The following MRC1 variants were observed in gnomAD, a reference collection of about 807,000 sequenced individuals.
MRC1 encodes mannose receptor C-type 1, also known as macrophage mannose receptor 1.
A neutral mutation model predicts 102.9 loss-of-function variants in MRC1; 62 were observed. The observed-to-expected ratio is 0.60, with a 90% CI of 0.49 to 0.74. The LOEUF is 0.74. MRC1 is among the 30% of genes least tolerant of loss of function. The pLI is 0.00. For missense variants in MRC1, 1,237 were observed against 862.8 expected (o/e 1.43, Z -5.43); for synonymous variants, 457 against 298.4 (o/e 1.53, Z -5.48).
chr10:17,827,689 A>G lies in MRC1; in HGVS notation c.611A>G (p.Lys204Arg). The change falls in exon 3 of 30, where the codon AAG (lysine) becomes AGG (arginine). Residue 204 changes from lysine (K) to arginine (R), a missense_variant. Coordinates refer to ENST00000569591, the MANE Select transcript of MRC1 (RefSeq NM_002438.4). ...ACCACTACTGACTATGACACAGACAAGCTATTTGGATATTGTCCATTGAAA... is the reference window on the plus strand; with the variant it reads ...ACCACTACTGACTATGACACAGACAGGCTATTTGGATATTGTCCATTGAAA... ...CGTTTDYDTD[K>R]LFGYCPLKFE... The G allele has an allele frequency of 1.3e-6, 1 of 780,852 alleles. No homozygotes were observed. 48.4% of individuals were successfully genotyped at this position (780,852 alleles called of 1,614,324 possible).
rs1833376233 is a variant in MRC1 at position 17,873,029 on chromosome 10, C to T, written c.2345-755C>T. ...GAAGAAGTCAGTGGTGGCCAGTTGT[C>T]CTTTAATGGTCTCTTATCTACCAAT... is the stretch of plus-strand genomic sequence containing the variant. On this transcript the variant is annotated intron_variant, in intron 15 of 29. Transcript: ENST00000569591. Among the ~76,000 whole-genome samples the T allele has an allele frequency of 2.0e-5, 3 of 152,262 alleles. No individual in the cohort carries two copies. The South Asian group carries it at 6.2e-4, about 32-fold the overall frequency.
chr10:17,832,533 C>A (rs1589168575), intron 3 of MRC1, among the ~76,000 whole-genome samples: 1 of 148,162 alleles, frequency 6.7e-6, no homozygotes, highest in Non-Finnish European at 1.5e-5. Context: ...CCAGCCTGGG[C>A]GACAGAGCGA....
intron 8 of MRC1, among the ~76,000 whole-genome samples, chr10:17,855,853 C>G (rs901139009): frequency 8.3e-4 from 126 of 152,146 alleles, no homozygotes; most frequent in Non-Finnish European, 1.5e-3. Context: ...CTCTGAGGCA[C>G]AGTTACAAGA....
intron 3 of MRC1, among the ~76,000 whole-genome samples, chr10:17,828,868 A>G (rs1230791343): frequency 6.6e-6 from 1 of 151,464 alleles, no homozygotes; most frequent in African/African-American, 2.5e-5. Flanking sequence ...AGTGAAGCAC[A>G]TTTTAGGTGG....
At chr10:17,898,782 AG>A (rs1833789548) in intron 24 of MRC1, among the ~76,000 whole-genome samples, 2 of 152,214 alleles carry the variant, frequency 1.3e-5, no homozygotes, top group Non-Finnish European at 2.9e-5. Context: ...GGCAAAGACT[AG>A]GGAAGAGGCA....
chr10:17,875,262 A>T lies in MRC1; in HGVS notation c.2550+9A>T. ...AGTTTCTATGGAAATATGTAAGGAC[A>T]TCAATCATTTTTTAAAATTTTAATA... On this transcript the variant is annotated intron_variant, in intron 17 of 29. Coordinates refer to ENST00000569591, the MANE Select transcript of MRC1 (RefSeq NM_002438.4). The T allele has an allele frequency of 5.1e-6, 4 of 779,018 alleles. 1 individual carries two copies. The South Asian group carries it at 5.4e-5, about 11-fold the overall frequency. The allele number at this position is 779,018 out of a possible 1,614,324, so 48.3% of individuals were successfully genotyped here. A position where few individuals can be genotyped will look rare whatever the true frequency, so the allele number is the denominator to read the frequency against.
At chr10:17,906,589 G>A (rs1833898869) in intron 26 of MRC1, among the ~76,000 whole-genome samples, 1 of 151,786 alleles carries the variant, frequency 6.6e-6, no homozygotes, top group African/African-American at 2.4e-5. Context: ...TTGTACTCTT[G>A]TTACTGGCCA....
chr10:17,885,827 A>ATGATCG (rs1224796806), intron 22 of MRC1, among the ~76,000 whole-genome samples: 3 of 110,252 alleles, frequency 2.7e-5, no homozygotes, highest in Admixed American at 8.4e-5. Flanking sequence ...ATCATCCATC[A>ATGATCG]TGATCATGAT....
chr10:17,824,439 A>G (rs1838443759), intron 2 of MRC1, among the ~76,000 whole-genome samples: 1 of 152,236 alleles, frequency 6.6e-6, no homozygotes, highest in African/African-American at 2.4e-5. Flanking sequence ...AACCTAGCTT[A>G]TCTCAGCTAA....
At chr10:17,876,912 G>A (rs997609327) in intron 17 of MRC1, among the ~76,000 whole-genome samples, 11 of 152,112 alleles carry the variant, frequency 7.2e-5, no homozygotes, top group Middle Eastern at 3.4e-3. Context: ...CAGAGAGGAG[G>A]TAACAGAGAG....
chr10:17,864,233 C>T (rs995274309), intron 11 of MRC1, among the ~76,000 whole-genome samples: 1 of 152,084 alleles, frequency 6.6e-6, no homozygotes, highest in Non-Finnish European at 1.5e-5. Context: ...GAACTCCTCG[C>T]CTCAAGTGAT....
chr10:17,909,398 GTTTGTTTTAAAA>G, intron 29 of MRC1, 51 bp downstream of exon 29: 1 of 831,782 alleles, frequency 1.2e-6, no homozygotes, highest in African/African-American at 1.7e-5. Context: ...CATCCGTACT[GTTTGTTTTAAAA>G]GGCATAATCA....
At chr10:17,901,883 A>G (rs1297354324) in intron 25 of MRC1, 90 bp from the exon 26 acceptor site, 3 of 775,836 alleles carry the variant, frequency 3.9e-6, no homozygotes, top group South Asian at 1.4e-5. Flanking sequence ...ATAATGATCA[A>G]TGATCAGTTT....
intron 13 of MRC1, 113 bp downstream of exon 13, chr10:17,870,486 T>C: frequency 2.6e-6 from 2 of 765,916 alleles, no homozygotes; most frequent in Non-Finnish European, 4.9e-6. Flanking sequence ...TTTGAGCACC[T>C]GTATCATCTC....
chr10:17,870,863 C>T lies in MRC1; in HGVS notation c.2127C>T (p.Tyr709=). The T allele has an allele frequency of 4.6e-6, 4 of 872,390 alleles. 1 individual carries two copies. The highest frequency in any genetic ancestry group is 2.2e-4 in the Middle Eastern group (1 of 4,600). 54.0% of individuals were successfully genotyped at this position (872,390 alleles called of 1,614,324 possible). A position where few individuals can be genotyped will look rare whatever the true frequency, so the allele number is the denominator to read the frequency against. The change falls in exon 14 of 30, where the codon TAC becomes TAT. Residue 709 remains tyrosine (Y), a synonymous_variant. Transcript: ENST00000569591. ...GATTTCATAGAGCTAGTGGAAGCTA[C>T]CACAAACTGTTTTGGTTGGGATTGA... ...IWRLITASGS[Y]HKLFWLGLTY...
intron 18 of MRC1, among the ~76,000 whole-genome samples, chr10:17,878,430 A>T (rs1430449623): frequency 1.3e-5 from 2 of 152,260 alleles, no homozygotes; most frequent in East Asian, 3.9e-4. Flanking sequence ...ATTCCCTTTA[A>T]AAGGGTGATT....
Position 17,893,006 on chromosome 10 carries a change from C to T in MRC1, c.3148-1204C>T, listed in dbSNP as rs79040495. Among the ~76,000 whole-genome samples the T allele has an allele frequency of 0.024, 2,533 of 103,490 alleles. 141 individuals are homozygous for T. In the East Asian group the frequency reaches 0.25, roughly 10 times the overall value. 67.9% of individuals were successfully genotyped at this position (103,490 alleles called of 152,430 possible). A position where few individuals can be genotyped will look rare whatever the true frequency, so the allele number is the denominator to read the frequency against. ...GCCTGGCGACAGAGCGAGACTCCAT[C>T]TAGGAAAAAAAAAAAAAAAATAGAA... On this transcript the variant is annotated intron_variant, in intron 22 of 29. Coordinates refer to ENST00000569591, the MANE Select transcript of MRC1 (RefSeq NM_002438.4).
chr10:17,825,175 T>C (rs1353311948), intron 2 of MRC1, among the ~76,000 whole-genome samples: 7 of 151,964 alleles, frequency 4.6e-5, no homozygotes, highest in Non-Finnish European at 1.0e-4. Context: ...CTGAAGACAG[T>C]GTCGAGAGGA....
chr10:17,907,631 G>A lies in MRC1; in HGVS notation c.4011G>A (p.Ala1337=), dbSNP rs782477878. The A allele has an allele frequency of 5.3e-5, 41 of 780,852 alleles. No individual in the cohort carries two copies. Among genetic ancestry groups the A allele is most frequent in the African/African-American group, 2.2e-4 (13 of 59,262 alleles). The allele number at this position is 780,852 out of a possible 1,614,324, so 48.4% of individuals were successfully genotyped here. A position where few individuals can be genotyped will look rare whatever the true frequency, so the allele number is the denominator to read the frequency against. The stretch of plus-strand genomic sequence containing the variant: ...GGAATGATTGTGTAGCTTTACATGC[G>A]TCTTCTGGGTTTTGGAGTAATATTC... ...GERNDCVALH[A]SSGFWSNIHC... The change falls in exon 28 of 30, where the codon GCG becomes GCA. Residue 1337 remains alanine, a synonymous_variant. Transcript: ENST00000569591.
Sources: allele counts gnomAD v4.1 joint callset (sites outside exome capture counted in the v4.1 genomes callset), GRCh38; gene constraint gnomAD v4.1.1; transcripts MANE v1.5; gene names NCBI Gene and HGNC (gene_info 2026-07-23, HGNC 2026-07-21).